The following CLSTN2 variants were observed in gnomAD, a reference collection of about 807,000 sequenced individuals.
The protein encoded by CLSTN2 is calsyntenin-2.
A neutral mutation model predicts 101.2 loss-of-function variants in CLSTN2; 48 were observed. The ratio of observed to expected loss-of-function variants is 0.47; its 90% CI spans 0.38 to 0.60. The LOEUF (loss-of-function observed/expected upper bound fraction) is 0.60, where lower values mean the gene tolerates loss of function less well. CLSTN2 is among the 20% of genes least tolerant of loss of function. CLSTN2 has a pLI of 0.00. For synonymous variants in CLSTN2, 481 were observed against 463.6 expected (o/e 1.04, Z -0.48); for missense variants, 1,160 against 1,238.2 (o/e 0.94, Z 0.95).
chr3:140,274,869 C>T (rs560245238), intron 2 of CLSTN2, among the ~76,000 whole-genome samples: 1 of 152,290 alleles, frequency 6.6e-6, no homozygotes, highest in South Asian at 2.1e-4. Flanking sequence ...ATTCCAGACA[C>T]TTTGCTTCTG....
At chr3:140,446,833 A>G (rs1260433568) in intron 5 of CLSTN2, among the ~76,000 whole-genome samples, 3 of 152,160 alleles carry the variant, frequency 2.0e-5, no homozygotes, top group African/African-American at 4.8e-5. Flanking sequence ...CCTCTCTATC[A>G]CTGGCTTTTC....
intron 1 of CLSTN2, among the ~76,000 whole-genome samples, chr3:140,091,017 G>C (rs747088949): frequency 6.6e-6 from 1 of 152,162 alleles, no homozygotes; most frequent in African/African-American, 2.4e-5. Flanking sequence ...CCTACATAAT[G>C]TGGTGGAGTG....
At chr3:140,335,348 C>T (rs539411377) in intron 2 of CLSTN2, among the ~76,000 whole-genome samples, 65 of 152,160 alleles carry the variant, frequency 4.3e-4, no homozygotes, top group Admixed American at 9.8e-4. Context: ...ATATAAATTT[C>T]GGTACCACCT....
intron 1 of CLSTN2, among the ~76,000 whole-genome samples, chr3:140,082,097 T>C (rs1019972836): frequency 6.6e-6 from 1 of 152,198 alleles, no homozygotes; most frequent in Non-Finnish European, 1.5e-5. Context: ...CAAGGACTGC[T>C]TCTGACTCAC....
In CLSTN2 at chr3:140,052,148, TTC is replaced by T. The variant is rs1176697829; in HGVS notation, c.109+116667_109+116668del. Among the ~76,000 whole-genome samples, 6 of 152,206 alleles carry T rather than the reference TTC, an allele frequency of 3.9e-5. No individual in the cohort carries two copies. In the East Asian group the frequency reaches 9.7e-4, roughly 25 times the overall value. The stretch of plus-strand genomic sequence containing the variant: ...TGGGCTCTTCTTTTTCTCAAAATAT[TTC>T]TGTTATTATTTATTTATTTATATTT... On this transcript the variant is annotated intron_variant, in intron 1 of 16. Coordinates refer to ENST00000458420, the MANE Select transcript of CLSTN2 (RefSeq NM_022131.3).
intron 2 of CLSTN2, among the ~76,000 whole-genome samples, chr3:140,221,296 A>G (rs113339730): frequency 3.9e-5 from 6 of 152,318 alleles, no homozygotes; most frequent in African/African-American, 1.4e-4. Context: ...ATCTTACTTA[A>G]TGTGAACGTG....
At chr3:140,480,313 T>C (rs1174547573) in intron 8 of CLSTN2, among the ~76,000 whole-genome samples, 1 of 152,196 alleles carries the variant, frequency 6.6e-6, no homozygotes, top group Non-Finnish European at 1.5e-5. Flanking sequence ...CCATGGTGTA[T>C]ATGTGCCACA....
At chr3:140,419,936 A>C (rs2088482257) in intron 4 of CLSTN2, among the ~76,000 whole-genome samples, 1 of 147,170 alleles carries the variant, frequency 6.8e-6, no homozygotes, top group African/African-American at 2.6e-5. Flanking sequence ...TCTGTCACCC[A>C]GGCTGGAGTA....
intron 2 of CLSTN2, among the ~76,000 whole-genome samples, chr3:140,182,936 G>T (rs1465788373): frequency 6.6e-6 from 1 of 152,166 alleles, no homozygotes; most frequent in African/African-American, 2.4e-5. Flanking sequence ...AGCTGAAGAG[G>T]TTGCCTCAAG....
chr3:140,481,920 C>G (rs1279127176), intron 8 of CLSTN2, among the ~76,000 whole-genome samples: 1 of 152,148 alleles, frequency 6.6e-6, no homozygotes, highest in South Asian at 2.1e-4. Flanking sequence ...TTCCTCTTTT[C>G]CTAATTGAAT....
intron 2 of CLSTN2, among the ~76,000 whole-genome samples, chr3:140,246,989 TG>T (rs2086523741): frequency 6.6e-6 from 1 of 152,160 alleles, no homozygotes; most frequent in African/African-American, 2.4e-5. Flanking sequence ...GCTCAATACC[TG>T]GGGGCCATAG....
chr3:140,006,285 A>C (rs956293734), intron 1 of CLSTN2, among the ~76,000 whole-genome samples: 1 of 152,104 alleles, frequency 6.6e-6, no homozygotes, highest in African/African-American at 2.4e-5. Context: ...TTGCAAGAAA[A>C]GTACTTGTGG....
intron 8 of CLSTN2, among the ~76,000 whole-genome samples, chr3:140,479,052 G>A (rs976311924): frequency 6.6e-6 from 1 of 152,144 alleles, no homozygotes; most frequent in Non-Finnish European, 1.5e-5. Context: ...TCAAATCCCT[G>A]AGTATTCACA....
intron 2 of CLSTN2, among the ~76,000 whole-genome samples, chr3:140,374,930 C>T (rs887458544): frequency 3.3e-4 from 51 of 152,240 alleles, no homozygotes; most frequent in African/African-American, 1.2e-3. Flanking sequence ...CCTCTGACTA[C>T]ACCAGCCCAG....
chr3:140,556,958 G>A lies in CLSTN2; in HGVS notation c.1823+297G>A, dbSNP rs759176459. On this transcript the variant is annotated intron_variant, in intron 11 of 16. Transcript: ENST00000458420. The stretch of plus-strand genomic sequence containing the variant: ...GAGAGCTAGGAATTTGAAGTGATCT[G>A]GGTGTGCGTTTGAAGTGTTCTGATT... The A allele has an allele frequency of 3.3e-5, 11 of 335,304 alleles. No homozygotes were observed. In the Admixed American group the frequency reaches 3.6e-4, roughly 11 times the overall value. 20.8% of individuals were successfully genotyped at this position (335,304 alleles called of 1,614,324 possible).
chr3:140,143,204 A>G (rs945250675), intron 1 of CLSTN2, among the ~76,000 whole-genome samples: 2 of 152,198 alleles, frequency 1.3e-5, no homozygotes, highest in Non-Finnish European at 2.9e-5. Flanking sequence ...GAGTATAAGT[A>G]TTTCTGCCAG....
At chr3:140,229,471 C>T (rs532332019) in intron 2 of CLSTN2, among the ~76,000 whole-genome samples, 3 of 152,104 alleles carry the variant, frequency 2.0e-5, no homozygotes, top group African/African-American at 7.2e-5. Context: ...CTACATGACC[C>T]AGTTCTCCTG....
chr3:140,000,501 A>C (rs1481458910), intron 1 of CLSTN2, among the ~76,000 whole-genome samples: 1 of 152,228 alleles, frequency 6.6e-6, no homozygotes, highest in Non-Finnish European at 1.5e-5. Context: ...TGGAATTATC[A>C]GTTCATTTTA....
intron 2 of CLSTN2, among the ~76,000 whole-genome samples, chr3:140,342,193 G>A (rs550154925): frequency 2.5e-4 from 38 of 152,106 alleles, no homozygotes; most frequent in Admixed American, 6.5e-4. Context: ...TTGACATTAC[G>A]GACTGGGTAA....
Sources: allele counts gnomAD v4.1 joint callset (sites outside exome capture counted in the v4.1 genomes callset), GRCh38; gene constraint gnomAD v4.1.1; transcripts MANE v1.5; gene names NCBI Gene and HGNC (gene_info 2026-07-23, HGNC 2026-07-21).